Variants in DCBLD2 observed in about 807,000 individuals in gnomAD.
The protein encoded by DCBLD2 is discoidin, CUB and LCCL domain-containing protein 2.
DCBLD2 carries 54 observed loss-of-function variants against 86.8 expected under a neutral mutation model. That is an observed-to-expected ratio of 0.62 (90% CI 0.50 to 0.78). The LOEUF (loss-of-function observed/expected upper bound fraction) is 0.78, where lower values mean the gene tolerates loss of function less well. Among genes scored for constraint, DCBLD2 ranks in the 30% least tolerant of loss-of-function variants. The pLI is 0.00. For missense variants in DCBLD2, 908 were observed against 954.2 expected (o/e 0.95, Z 0.64); for synonymous variants, 354 against 341.3 (o/e 1.04, Z -0.41).
intron 2 of DCBLD2, among the ~76,000 whole-genome samples, chr3:98,868,575 T>G (rs774871055): frequency 6.6e-6 from 1 of 152,194 alleles, no homozygotes; most frequent in East Asian, 1.9e-4. Context: ...TAGTGTACAG[T>G]GTACCCAACA....
At chr3:98,803,604 G>T (rs977704383) in intron 13 of DCBLD2, among the ~76,000 whole-genome samples, 1 of 152,132 alleles carries the variant, frequency 6.6e-6, no homozygotes, top group Non-Finnish European at 1.5e-5. Context: ...GGTGAGAGAG[G>T]GCATCCCTGT....
intron 3 of DCBLD2, among the ~76,000 whole-genome samples, chr3:98,839,153 T>TTCTCTTTCTTTCTTTC (rs1553727013): frequency 1.8e-5 from 2 of 109,444 alleles, no homozygotes; most frequent in East Asian, 4.3e-4. Flanking sequence ...CCTTCTTTCT[T>TTCTCTTTCTTTCTTTC]TCTTTCTTTC....
intron 2 of DCBLD2, among the ~76,000 whole-genome samples, chr3:98,867,177 C>T (rs1264969667): frequency 2.0e-5 from 3 of 152,210 alleles, no homozygotes; most frequent in Non-Finnish European, 2.9e-5. Flanking sequence ...TTAGGATTGA[C>T]TTGGCAATGC....
At chr3:98,894,058 AC>A (rs1943709218) in intron 1 of DCBLD2, among the ~76,000 whole-genome samples, 1 of 152,200 alleles carries the variant, frequency 6.6e-6, no homozygotes, top group African/African-American at 2.4e-5. Flanking sequence ...AAGTTTGGGA[AC>A]TGTCCAAGAT....
chr3:98,800,852 A>G (rs1049630694), intron 14 of DCBLD2, 136 bp from the exon 15 acceptor site: 1 of 1,100,732 alleles, frequency 9.1e-7, no homozygotes, highest in Non-Finnish European at 1.3e-6. Flanking sequence ...TTATAATCCA[A>G]CTTTTTTTTT....
intron 1 of DCBLD2, among the ~76,000 whole-genome samples, chr3:98,886,736 C>T (rs1943568795): frequency 6.6e-6 from 1 of 151,212 alleles, no homozygotes; most frequent in Admixed American, 6.6e-5. Flanking sequence ...GTGTTCACTT[C>T]CTCTGAAGAG....
intron 8 of DCBLD2, among the ~76,000 whole-genome samples, chr3:98,818,217 G>A (rs995675150): frequency 6.6e-6 from 1 of 152,064 alleles, no homozygotes; most frequent in Non-Finnish European, 1.5e-5. Context: ...ATGATTATTG[G>A]TATTATTTAC....
rs765441357 is a variant in DCBLD2, at chr3:98,881,521, T to C, written c.433+19A>G. 1 of 1,599,900 alleles carries C rather than the reference T, an allele frequency of 6.3e-7. No individual in the cohort carries two copies. Among genetic ancestry groups the C allele is most frequent in the South Asian group, 1.1e-5 (1 of 90,708 alleles). On this transcript the variant is annotated intron_variant, in intron 2 of 15. Coordinates refer to ENST00000326840, the MANE Select transcript of DCBLD2 (RefSeq NM_080927.4). ...GACAATGATGTATTTACATGTACATTTACAAAAAAAAGTCCTACCTATTTC... is the reference window on the plus strand; with the variant it reads ...GACAATGATGTATTTACATGTACATCTACAAAAAAAAGTCCTACCTATTTC...
chr3:98,893,749 A>G (rs1279581830), intron 1 of DCBLD2, among the ~76,000 whole-genome samples: 1 of 152,240 alleles, frequency 6.6e-6, no homozygotes, highest in East Asian at 1.9e-4. Flanking sequence ...AGTGTAAAGC[A>G]TGCCAAAACA....
At chr3:98,829,974 T>C (rs1296017996) in intron 3 of DCBLD2, among the ~76,000 whole-genome samples, 1 of 152,234 alleles carries the variant, frequency 6.6e-6, no homozygotes, top group Admixed American at 6.5e-5. Context: ...GGTTTTGATT[T>C]GTATTTCTCT....
intron 3 of DCBLD2, among the ~76,000 whole-genome samples, chr3:98,838,758 T>C (rs913630316): frequency 1.1e-4 from 16 of 152,054 alleles, no homozygotes; most frequent in Non-Finnish European, 1.6e-4. Context: ...CTGGGCACCA[T>C]TGAGCACTGA....
chr3:98,858,814 G>A (rs931205238), intron 2 of DCBLD2, among the ~76,000 whole-genome samples: 2 of 152,142 alleles, frequency 1.3e-5, no homozygotes, highest in African/African-American at 4.8e-5. Flanking sequence ...ATGAAAAAAT[G>A]TTCTGGGTCC....
At chr3:98,802,640 T>C (rs1256730883) in intron 13 of DCBLD2, among the ~76,000 whole-genome samples, 1 of 152,218 alleles carries the variant, frequency 6.6e-6, no homozygotes, top group Non-Finnish European at 1.5e-5. Context: ...GTGTCCTGAA[T>C]GGTATTGCCT....
rs72936622 is a variant in DCBLD2, at chr3:98,850,095, C to T, written c.434-497G>A. Among the ~76,000 whole-genome samples, 962 of 152,246 alleles carry T rather than the reference C, an allele frequency of 6.3e-3. 10 individuals carry two copies. The highest frequency in any genetic ancestry group is 0.022 in the African/African-American group (908 of 41,540). Reference sequence around the variant, plus strand: ...ATCTCTTTAGGTGATCATATCTGATCCCATGGCTTTAACTATGATCTGACA... The same window carrying T: ...ATCTCTTTAGGTGATCATATCTGATTCCATGGCTTTAACTATGATCTGACA... On this transcript the variant is annotated intron_variant, in intron 2 of 15. Transcript: ENST00000326840.
At chr3:98,892,527 T>C (rs1559802505) in intron 1 of DCBLD2, among the ~76,000 whole-genome samples, 2 of 151,974 alleles carry the variant, frequency 1.3e-5, no homozygotes, top group Non-Finnish European at 2.9e-5. Flanking sequence ...ATAGGGAAAA[T>C]ACAGAATTTC....
intron 3 of DCBLD2, among the ~76,000 whole-genome samples, chr3:98,838,444 C>G (rs1376577908): frequency 1.4e-4 from 17 of 118,606 alleles, no homozygotes; most frequent in Non-Finnish European, 1.9e-4. Flanking sequence ...ACATCTCAGA[C>G]GATGGGCGGC....
At chr3:98,895,873 C>T (rs762573581) in intron 1 of DCBLD2, among the ~76,000 whole-genome samples, 49 of 152,298 alleles carry the variant, frequency 3.2e-4, no homozygotes, top group Non-Finnish European at 6.0e-4. Flanking sequence ...GAGGTACATG[C>T]ACACTCTCTT....
At chr3:98,868,633 T>A (rs917524678) in intron 2 of DCBLD2, among the ~76,000 whole-genome samples, 1 of 152,162 alleles carries the variant, frequency 6.6e-6, no homozygotes. Context: ...GAGTCTCCGA[T>A]GTCCATTACA....
At chr3:98,821,785 C>T (rs764120823) in intron 6 of DCBLD2, among the ~76,000 whole-genome samples, 17 of 152,120 alleles carry the variant, frequency 1.1e-4, no homozygotes, top group Non-Finnish European at 2.5e-4. Flanking sequence ...CGGTGGGTCA[C>T]GCCTGTAATC....
Sources: allele counts gnomAD v4.1 joint callset (sites outside exome capture counted in the v4.1 genomes callset), GRCh38; gene constraint gnomAD v4.1.1; transcripts MANE v1.5; gene names NCBI Gene and HGNC (gene_info 2026-07-23, HGNC 2026-07-21).